Variants in ZNF410 observed in about 807,000 individuals in gnomAD.
ZNF410 encodes the protein another partner for ARF 1.
In ZNF410, 18 loss-of-function variants were observed where a neutral mutation model predicts 54.8. The ratio of observed to expected loss-of-function variants is 0.33; its 90% CI spans 0.23 to 0.49. ZNF410 has a LOEUF of 0.49. Among genes scored for constraint, ZNF410 ranks in the 20% least tolerant of loss-of-function variants. ZNF410 has a pLI of 0.99. For missense variants in ZNF410, 405 were observed against 569.6 expected (o/e 0.71, Z 2.94); for synonymous variants, 191 against 207.3 (o/e 0.92, Z 0.68).
intron 8 of ZNF410, among the ~76,000 whole-genome samples, chr14:73,911,328 A>G (rs1222329319): frequency 6.6e-6 from 1 of 152,186 alleles, no homozygotes; most frequent in Non-Finnish European, 1.5e-5. Context: ...GCCGTGGGAA[A>G]CAAGGGGAAG....
At position 73,894,384 on chromosome 14, in the gene ZNF410, T is replaced by C. The variant is rs1362131822; in HGVS notation, c.169+452T>C. The C allele has an allele frequency of 4.3e-6, 3 of 701,738 alleles. No homozygotes were observed. The African/African-American group carries it at 5.3e-5, about 12-fold the overall frequency. The allele number at this position is 701,738 out of a possible 1,614,324, so 43.5% of individuals were successfully genotyped here. A position where few individuals can be genotyped will look rare whatever the true frequency, so the allele number is the denominator to read the frequency against. Reference sequence around the variant, plus strand: ...AACCTGTTCCATGGAGAGAAGAGGATGGAAAGTCAGGCTGCAGTGACTTGA... The same window carrying C: ...AACCTGTTCCATGGAGAGAAGAGGACGGAAAGTCAGGCTGCAGTGACTTGA... On this transcript the variant is annotated intron_variant, in intron 3 of 11. Coordinates refer to ENST00000555044, the MANE Select transcript of ZNF410 (RefSeq NM_021188.3).
At chr14:73,918,686 CTTTTTT>C (rs71115932) in intron 8 of ZNF410, among the ~76,000 whole-genome samples, 753 of 74,588 alleles carry the variant, frequency 0.01, 9 homozygotes, top group South Asian at 0.039. Flanking sequence ...TTCATATGGC[CTTTTTT>C]TTTTTTTTTT....
intron 1 of ZNF410, among the ~76,000 whole-genome samples, chr14:73,889,526 TAG>T (rs946362044): frequency 6.6e-6 from 1 of 151,218 alleles, no homozygotes; most frequent in Non-Finnish European, 1.5e-5. Context: ...GGGTCAAACC[TAG>T]AGAGATGTAA....
intron 1 of ZNF410, 98 bp downstream of exon 1, chr14:73,887,013 G>C (rs1265603166): frequency 1.3e-5 from 2 of 152,882 alleles, no homozygotes; most frequent in African/African-American, 4.8e-5. Context: ...GGCCGAGTTC[G>C]CCCCGAGAGA....
At chr14:73,927,474 A>G (rs1372504758) in intron 11 of ZNF410, among the ~76,000 whole-genome samples, 1 of 152,262 alleles carries the variant, frequency 6.6e-6, no homozygotes, top group African/African-American at 2.4e-5. Context: ...TTTTTCTTTT[A>G]CCTAGTACAC....
intron 11 of ZNF410, 23 bp from the exon 12 acceptor site, chr14:73,931,480 G>C: frequency 6.2e-7 from 1 of 1,603,332 alleles, no homozygotes; most frequent in Non-Finnish European, 8.5e-7. Flanking sequence ...ACCTATTCTA[G>C]ATTTGCTTTC....
chr14:73,921,666 G>A (rs1477901878), intron 9 of ZNF410, among the ~76,000 whole-genome samples: 2 of 151,934 alleles, frequency 1.3e-5, no homozygotes, highest in African/African-American at 2.4e-5. Flanking sequence ...TTGTAGAGAC[G>A]GGGTTTCACC....
chr14:73,904,929 A>G lies in ZNF410; in HGVS notation c.759A>G (p.Ala253=), dbSNP rs764655680. 1 of 1,614,048 alleles carries G rather than the reference A, an allele frequency of 6.2e-7. No homozygotes were observed. Among genetic ancestry groups the G allele is most frequent in the Non-Finnish European group, 8.5e-7 (1 of 1,180,042 alleles). The change falls in exon 7 of 12, where the codon GCA becomes GCG. Residue 253 remains alanine (A), a synonymous_variant. Transcript: ENST00000555044. ...ATGACCGCTCCTTCATCTGTCCTGC[A>G]GAAGGTTGTGGGAAAAGCTTCTATG... is the stretch of plus-strand genomic sequence containing the variant. ...HRNDRSFICP[A]EGCGKSFYVL... is the part of the protein sequence containing the mutation.
chr14:73,897,828 C>A (rs112191803), intron 4 of ZNF410, among the ~76,000 whole-genome samples: 1 of 151,608 alleles, frequency 6.6e-6, no homozygotes, highest in African/African-American at 2.4e-5. Flanking sequence ...AAAAATTAGC[C>A]GGGCGTGGTG....
At chr14:73,930,852 C>T (rs1307308164) in intron 11 of ZNF410, among the ~76,000 whole-genome samples, 3 of 152,200 alleles carry the variant, frequency 2.0e-5, no homozygotes, top group Non-Finnish European at 2.9e-5. Context: ...TCTCCTGCCT[C>T]AGCCTCCCAA....
intron 8 of ZNF410, among the ~76,000 whole-genome samples, chr14:73,917,341 C>A (rs1489326474): frequency 6.6e-6 from 1 of 152,132 alleles, no homozygotes; most frequent in Non-Finnish European, 1.5e-5. Flanking sequence ...GCTTCAGTTT[C>A]TTTTTCAAAA....
chr14:73,889,447 A>G (rs976776269), intron 1 of ZNF410, among the ~76,000 whole-genome samples: 1 of 151,710 alleles, frequency 6.6e-6, no homozygotes, highest in African/African-American at 2.4e-5. Flanking sequence ...AAAAAAAAAA[A>G]AAAAAAGAAA....
chr14:73,897,978 A>C lies in ZNF410; in HGVS notation c.389-93A>C. The C allele has an allele frequency of 3.2e-6, 4 of 1,257,860 alleles. No individual in the cohort carries two copies. The African/African-American group carries it at 6.1e-5, about 19-fold the overall frequency. 77.9% of individuals were successfully genotyped at this position (1,257,860 alleles called of 1,614,324 possible). On this transcript the variant is annotated intron_variant, in intron 4 of 11. Coordinates refer to ENST00000555044, the MANE Select transcript of ZNF410 (RefSeq NM_021188.3). Reference sequence around the variant, plus strand: ...CAGAGCGAGACGCCGTCTCAAAAAAAAAAAAAAAAAAAGGGACATGGAGAG... The same window carrying C: ...CAGAGCGAGACGCCGTCTCAAAAAACAAAAAAAAAAAAGGGACATGGAGAG...
chr14:73,923,602 T>G lies in ZNF410; in HGVS notation c.1398+80T>G, dbSNP rs77194084. The G allele has an allele frequency of 1.6e-3, 2,486 of 1,512,196 alleles. 28 individuals carry two copies. In the African/African-American group the frequency reaches 0.031, roughly 19 times the overall value. The allele number at this position is 1,512,196 out of a possible 1,614,324, so 93.7% of individuals were successfully genotyped here. A position where few individuals can be genotyped will look rare whatever the true frequency, so the allele number is the denominator to read the frequency against. ...AGAATTTAGAGGACCTGAAAAAGTCTCCAGTTTCCATTTCCTGGAAACTTT... is the reference window on the plus strand; with the variant it reads ...AGAATTTAGAGGACCTGAAAAAGTCGCCAGTTTCCATTTCCTGGAAACTTT... On this transcript the variant is annotated intron_variant, in intron 11 of 11. Transcript: ENST00000555044.
intron 8 of ZNF410, among the ~76,000 whole-genome samples, chr14:73,911,499 G>A (rs7157730): frequency 0.069 from 10,444 of 152,224 alleles, 508 homozygotes; most frequent in African/African-American, 0.14. Flanking sequence ...ATGATGACAA[G>A]TTCTAAGCAG....
intron 8 of ZNF410, chr14:73,916,609 A>G (rs949871290): frequency 2.0e-5 from 3 of 152,152 alleles, no homozygotes; most frequent in Non-Finnish European, 2.9e-5. Flanking sequence ...GGAATCAGCT[A>G]TTCCTCCATG....
At chr14:73,912,310 C>A (rs984553305) in intron 8 of ZNF410, among the ~76,000 whole-genome samples, 1 of 151,884 alleles carries the variant, frequency 6.6e-6, no homozygotes, top group African/African-American at 2.4e-5. Flanking sequence ...GCTGGTATTA[C>A]AGGCGCGTGC....
At chr14:73,926,426 TTTG>T (rs1347840538) in intron 11 of ZNF410, among the ~76,000 whole-genome samples, 1 of 151,964 alleles carries the variant, frequency 6.6e-6, no homozygotes, top group Non-Finnish European at 1.5e-5. Context: ...GGTTTTTTGT[TTTG>T]TTTTGTTTTT....
chr14:73,914,186 A>G (rs914375145), intron 8 of ZNF410: 6 of 151,986 alleles, frequency 3.9e-5, no homozygotes, highest in African/African-American at 1.5e-4. Context: ...GCACATGCCC[A>G]GCTTTTTTTT....
Sources: allele counts gnomAD v4.1 joint callset (sites outside exome capture counted in the v4.1 genomes callset), GRCh38; gene constraint gnomAD v4.1.1; transcripts MANE v1.5; gene names NCBI Gene and HGNC (gene_info 2026-07-23, HGNC 2026-07-21).